Variants in GPHN observed in about 807,000 individuals in gnomAD.
GPHN encodes the protein gephyrin.
GPHN carries 17 observed loss-of-function variants against 95.5 expected under a neutral mutation model. That is an observed-to-expected ratio of 0.18 (90% CI 0.12 to 0.27). GPHN has a LOEUF of 0.27. Ranked by LOEUF, GPHN falls within the 10% of genes least tolerant of loss-of-function variation. The probability of loss-of-function intolerance (pLI) is 1.00; values close to 1 mark genes in which losing one functional copy is unlikely to be tolerated. For synonymous variants in GPHN, 320 were observed against 322.5 expected (o/e 0.99, Z 0.08); for missense variants, 660 against 978.1 (o/e 0.67, Z 4.34).
intron 4 of GPHN, among the ~76,000 whole-genome samples, chr14:66,845,819 C>CTGTGTGTGTGTGTGTGTGTGTGTGTGTG: frequency 7.0e-6 from 1 of 143,402 alleles, no homozygotes; most frequent in African/African-American, 2.5e-5. Flanking sequence ...ATACATGCCT[C>CTGTGTGTGTGTGTGTGTGTGTGTGTGTG]TGTGTGTGTG....
the GPHN span, among the ~76,000 whole-genome samples, chr14:67,228,907 C>T: frequency 6.6e-6 from 1 of 152,114 alleles, no homozygotes; most frequent in African/African-American, 2.4e-5. Flanking sequence ...AAAAAAAATC[C>T]ATGTACTTTT....
chr14:67,633,783 T>C, the GPHN span, among the ~76,000 whole-genome samples: 1 of 152,224 alleles, frequency 6.6e-6, no homozygotes, highest in Non-Finnish European at 1.5e-5. Flanking sequence ...TCGGAGGAAT[T>C]GTGCATTGTT....
intron 9 of GPHN, among the ~76,000 whole-genome samples, chr14:66,971,955 G>A (rs2069814496): frequency 6.6e-6 from 1 of 152,146 alleles, no homozygotes; most frequent in Non-Finnish European, 1.5e-5. Context: ...CATTTTCTAA[G>A]TTCTAATTTA....
the GPHN span, chr14:67,674,254 G>T: frequency 1.1e-6 from 1 of 894,644 alleles, no homozygotes; most frequent in Non-Finnish European, 1.6e-6. Flanking sequence ...AGCCCTAGGG[G>T]GCGTGTCTGA....
chr14:67,147,155 T>G (rs2153708020), intron 18 of GPHN, among the ~76,000 whole-genome samples: 1 of 152,384 alleles, frequency 6.6e-6, no homozygotes, highest in Non-Finnish European at 1.5e-5. Context: ...GTTAGCAGTC[T>G]GCTTTCCTGA....
At chr14:67,426,721 A>G in the GPHN span, among the ~76,000 whole-genome samples, 3 of 152,122 alleles carry the variant, frequency 2.0e-5, no homozygotes, top group African/African-American at 7.2e-5. Context: ...GACTACAGGC[A>G]TGTGCCACCA....
the GPHN span, among the ~76,000 whole-genome samples, chr14:67,375,683 G>C: frequency 2.0e-5 from 3 of 152,254 alleles, no homozygotes; most frequent in South Asian, 2.1e-4. Flanking sequence ...TTACACATTT[G>C]AAAACACTGT....
the GPHN span, chr14:67,691,569 C>T: frequency 4.5e-6 from 1 of 222,506 alleles, no homozygotes; most frequent in African/African-American, 2.3e-5. Context: ...TGGAAAGATT[C>T]CAAAGCAAGA....
intron 8 of GPHN, among the ~76,000 whole-genome samples, chr14:66,959,604 A>G (rs1015398485): frequency 1.3e-5 from 2 of 152,010 alleles, no homozygotes; most frequent in Admixed American, 6.6e-5. Flanking sequence ...CTGCTTTCTG[A>G]CTGTCATGGT....
the GPHN span, among the ~76,000 whole-genome samples, chr14:67,252,058 G>A: frequency 6.5e-4 from 99 of 152,278 alleles, no homozygotes; most frequent in African/African-American, 2.1e-3. Flanking sequence ...CACACCACCC[G>A]CCTAAACCTT....
the GPHN span, among the ~76,000 whole-genome samples, chr14:67,638,168 C>T: frequency 2.6e-5 from 4 of 152,106 alleles, no homozygotes; most frequent in Admixed American, 6.6e-5. Context: ...TGGGCTCAAA[C>T]ATATTTTGCT....
the GPHN span, among the ~76,000 whole-genome samples, chr14:67,216,080 C>T: frequency 1.3e-5 from 2 of 152,200 alleles, no homozygotes; most frequent in Non-Finnish European, 2.9e-5. Context: ...ACCGTGTCCT[C>T]CTACCAATCC....
At chr14:67,562,208 T>C in the GPHN span, 1 of 1,611,726 alleles carries the variant, frequency 6.2e-7, no homozygotes, top group Middle Eastern at 1.7e-4. Context: ...TTCTGTCCCT[T>C]CAGAGCCGGG....
intron 11 of GPHN, among the ~76,000 whole-genome samples, chr14:67,070,715 A>AAAAAAAAAAAATATATATAT: frequency 1.2e-5 from 1 of 80,700 alleles, no homozygotes; most frequent in South Asian, 4.3e-4. Flanking sequence ...AAAAAAAAAA[A>AAAAAAAAAAAATATATATAT]ATATATATAT....
the GPHN span, among the ~76,000 whole-genome samples, chr14:67,708,035 T>C: frequency 6.6e-6 from 1 of 152,266 alleles, no homozygotes; most frequent in Non-Finnish European, 1.5e-5. Context: ...TGGAAACAGA[T>C]TCTTACTGCA....
At chr14:67,409,437 C>A in the GPHN span, among the ~76,000 whole-genome samples, 1 of 152,098 alleles carries the variant, frequency 6.6e-6, no homozygotes, top group Non-Finnish European at 1.5e-5. Context: ...CAGAGCTTTA[C>A]AAAAAAGGAT....
chr14:67,195,595 T>C, the GPHN span, among the ~76,000 whole-genome samples: 4 of 152,254 alleles, frequency 2.6e-5, no homozygotes, highest in East Asian at 5.8e-4. Context: ...TGAACAAGAG[T>C]TGACTACTGC....
intron 1 of GPHN, among the ~76,000 whole-genome samples, chr14:66,541,060 G>A (rs573719772): frequency 9.9e-5 from 15 of 152,260 alleles, no homozygotes; most frequent in South Asian, 8.3e-4. Context: ...TGATTCTCGT[G>A]CCTCAGCCTC....
rs2058165459 is a variant in GPHN, at chr14:66,746,723, A to G, written c.144-29741A>G. ...AATTGTTTCTTTCTGCAGTTTTACG[A>G]CATCCTCACACCATTTAGCACTGGT... On this transcript the variant is annotated intron_variant, in intron 2 of 22. Transcript: ENST00000478722. Among the ~76,000 whole-genome samples the G allele has an allele frequency of 4.6e-5, 7 of 152,194 alleles. No homozygotes were observed. The South Asian group carries it at 1.2e-3, about 27-fold the overall frequency.
Sources: allele counts gnomAD v4.1 joint callset (sites outside exome capture counted in the v4.1 genomes callset), GRCh38; gene constraint gnomAD v4.1.1; transcripts MANE v1.5; gene names NCBI Gene and HGNC (gene_info 2026-07-23, HGNC 2026-07-21).